Variants in SUSD4 observed in about 807,000 individuals in gnomAD.
SUSD4 encodes the protein sushi domain containing 4.
Under a neutral mutation model 50.5 loss-of-function variants are expected in SUSD4, and 41 were observed. The ratio of observed to expected loss-of-function variants is 0.81; its 90% confidence interval spans 0.63 to 1.05. The LOEUF (loss-of-function observed/expected upper bound fraction) is 1.05, where lower values mean the gene tolerates loss of function less well. Among genes scored for constraint, SUSD4 ranks in the 50% least tolerant of loss-of-function variants. The probability of loss-of-function intolerance (pLI) is 0.00; values close to 1 mark genes in which losing one functional copy is unlikely to be tolerated. For synonymous variants in SUSD4, 257 were observed against 257.3 expected (o/e 1.00, Z 0.01); for missense variants, 580 against 634.7 (o/e 0.91, Z 0.93).
intron 2 of SUSD4, among the ~76,000 whole-genome samples, chr1:223,338,160 C>T (rs1375762901): frequency 6.6e-6 from 1 of 152,172 alleles, no homozygotes; most frequent in Admixed American, 6.5e-5. Context: ...ACATGTTTCA[C>T]CAAAAATAGA....
intron 2 of SUSD4, among the ~76,000 whole-genome samples, chr1:223,349,144 A>G (rs1382371993): frequency 6.6e-6 from 1 of 152,228 alleles, no homozygotes; most frequent in African/African-American, 2.4e-5. Flanking sequence ...GGACTCACGA[A>G]TCATTCAGAG....
chr1:223,330,553 GAT>G (rs1259917400), intron 2 of SUSD4, among the ~76,000 whole-genome samples: 1 of 152,112 alleles, frequency 6.6e-6, no homozygotes, highest in Non-Finnish European at 1.5e-5. Flanking sequence ...CAGGTTAGTC[GAT>G]GGCAAAAGGA....
intron 2 of SUSD4, among the ~76,000 whole-genome samples, chr1:223,323,924 A>T (rs183625037): frequency 1.6e-3 from 240 of 148,296 alleles, no homozygotes; most frequent in South Asian, 9.3e-3. Flanking sequence ...CAATTATTTT[A>T]AAAAAAAAGA....
intron 2 of SUSD4, among the ~76,000 whole-genome samples, chr1:223,352,973 C>T (rs1304964275): frequency 1.3e-5 from 2 of 152,018 alleles, no homozygotes; most frequent in East Asian, 1.9e-4. Flanking sequence ...CATGGACCTC[C>T]GGAGCACCTA....
intron 2 of SUSD4, among the ~76,000 whole-genome samples, chr1:223,293,307 A>C (rs1401550848): frequency 6.6e-6 from 1 of 150,686 alleles, no homozygotes; most frequent in Non-Finnish European, 1.5e-5. Flanking sequence ...TCTTAATTTC[A>C]CTCTCCGCCT....
chr1:223,313,847 C>A (rs187040750), intron 2 of SUSD4, among the ~76,000 whole-genome samples: 1 of 152,268 alleles, frequency 6.6e-6, no homozygotes, highest in Admixed American at 6.5e-5. Flanking sequence ...CCTGCCAGCA[C>A]CACGGCAGCT....
At chr1:223,302,013 G>A (rs1350178523) in intron 2 of SUSD4, among the ~76,000 whole-genome samples, 1 of 152,160 alleles carries the variant, frequency 6.6e-6, no homozygotes, top group African/African-American at 2.4e-5. Flanking sequence ...GGCCTGGTGG[G>A]AGATGATTGG....
chr1:223,333,274 T>A (rs1158443027), intron 2 of SUSD4, among the ~76,000 whole-genome samples: 3 of 152,096 alleles, frequency 2.0e-5, no homozygotes. Flanking sequence ...CCACTCTGCA[T>A]GGGAAGTTAC....
intron 5 of SUSD4, chr1:223,263,477 C>T: frequency 1.1e-6 from 1 of 873,438 alleles, no homozygotes; most frequent in Non-Finnish European, 1.4e-6. Flanking sequence ...TGTATTTTAT[C>T]TGGCATCTCT....
At chr1:223,223,933 T>C (rs2102988691) in intron 7 of SUSD4, among the ~76,000 whole-genome samples, 1 of 152,364 alleles carries the variant, frequency 6.6e-6, no homozygotes, top group East Asian at 1.9e-4. Flanking sequence ...CCTGTGGGCT[T>C]TGGCCTTCTG....
intron 5 of SUSD4, among the ~76,000 whole-genome samples, chr1:223,240,384 ATTTC>A (rs1384528990): frequency 4.0e-5 from 6 of 150,584 alleles, no homozygotes; most frequent in Non-Finnish European, 8.9e-5. Flanking sequence ...TTTTTCACCT[ATTTC>A]TTTCTTTTCT....
At chr1:223,278,142 G>A (rs868336566) in intron 3 of SUSD4, among the ~76,000 whole-genome samples, 7 of 152,264 alleles carry the variant, frequency 4.6e-5, no homozygotes, top group Middle Eastern at 3.4e-3. Flanking sequence ...CATGAGCGAC[G>A]CAGAAGACAG....
chr1:223,311,675 A>G (rs1051089624), intron 2 of SUSD4, among the ~76,000 whole-genome samples: 46 of 152,260 alleles, frequency 3.0e-4, no homozygotes, highest in Non-Finnish European at 5.9e-5. Flanking sequence ...AAATAGGCTC[A>G]GATTTTTTAT....
chr1:223,334,374 A>T (rs931416483), intron 2 of SUSD4, among the ~76,000 whole-genome samples: 2 of 152,162 alleles, frequency 1.3e-5, no homozygotes. Flanking sequence ...TCAGGAAAGG[A>T]GTGCCAGCAT....
At chr1:223,267,200 T>G (rs907400181) in intron 4 of SUSD4, among the ~76,000 whole-genome samples, 1 of 152,078 alleles carries the variant, frequency 6.6e-6, no homozygotes, top group African/African-American at 2.4e-5. Flanking sequence ...AATGACACTT[T>G]GAGAGGCACA....
intron 2 of SUSD4, among the ~76,000 whole-genome samples, chr1:223,345,584 G>A (rs1667986203): frequency 6.6e-6 from 1 of 152,164 alleles, no homozygotes; most frequent in Admixed American, 6.5e-5. Context: ...ACTGAACACT[G>A]ATTATAATTA....
chr1:223,268,044 C>CATAT (rs1359285104), intron 4 of SUSD4, among the ~76,000 whole-genome samples: 1 of 47,980 alleles, frequency 2.1e-5, no homozygotes, highest in Admixed American at 2.3e-4. Flanking sequence ...TATATATATA[C>CATAT]ACACACACTG....
At chr1:223,363,593 C>A in intron 1 of SUSD4, 133 bp from the exon 2 acceptor site, 1 of 1,092,876 alleles carries the variant, frequency 9.2e-7, no homozygotes, top group Non-Finnish European at 1.2e-6. Context: ...GCGCGGCCCC[C>A]GCCCCCTTTC....
intron 6 of SUSD4, among the ~76,000 whole-genome samples, chr1:223,228,391 G>A (rs781019057): frequency 2.0e-5 from 3 of 152,142 alleles, no homozygotes; most frequent in Admixed American, 6.5e-5. Flanking sequence ...TCATGTGTGC[G>A]CCTCCAGAGA....
Sources: gnomAD v4.1 joint callset for allele counts (sites outside exome capture counted in the v4.1 genomes callset) on GRCh38, gnomAD v4.1.1 for gene constraint, MANE v1.5 for transcripts, NCBI Gene and HGNC (gene_info 2026-07-23, HGNC 2026-07-21) for gene names.